FAM193A: variants seen among roughly 807,000 people sequenced by gnomAD.
FAM193A encodes protein FAM193A.
Under a neutral mutation model 126.5 loss-of-function variants are expected in FAM193A, and 22 were observed. The observed-to-expected ratio is 0.17, with a 90% CI of 0.12 to 0.25. FAM193A has a LOEUF of 0.25. Among genes scored for constraint, FAM193A ranks in the 10% least tolerant of loss-of-function variants. The pLI is 1.00. For synonymous variants in FAM193A, 761 were observed against 646.8 expected, an observed-to-expected ratio of 1.18 and a Z score of -2.68; for missense variants, 1,675 against 1,672.8, an observed-to-expected ratio of 1.00 and a Z score of -0.02.
chr4:2,731,971 G>A lies in FAM193A; in HGVS notation c.*103G>A, dbSNP rs546366609. On this transcript the variant is annotated 3_prime_UTR_variant, in exon 21 of 21. Coordinates refer to ENST00000637812, the MANE Select transcript of FAM193A (RefSeq NM_001366318.2). ...CCCCAGAGCCGTGGTGCTTGCCAAG[G>A]GCTGTGCGGAGCTGGTGCTGCCTGA... 3.2e-5 allele frequency: 29 copies of A among 902,950 alleles called. No individual in the cohort carries two copies. The highest frequency in any genetic ancestry group is 2.3e-4 in the Admixed American group (13 of 57,308). 55.9% of individuals were successfully genotyped at this position (902,950 alleles called of 1,614,324 possible). A position where few individuals can be genotyped will look rare whatever the true frequency, so the allele number is the denominator to read the frequency against.
intron 7 of FAM193A, chr4:2,654,412 T>A (rs1745974251): frequency 6.9e-6 from 1 of 144,880 alleles, no homozygotes; most frequent in Admixed American, 6.9e-5. Flanking sequence ...GTATTTTTGG[T>A]AGAGACGGGG....
chr4:2,659,004 GC>G (rs1212813757), intron 8 of FAM193A, among the ~76,000 whole-genome samples: 1 of 152,186 alleles, frequency 6.6e-6, no homozygotes, highest in Admixed American at 6.5e-5. Context: ...GCCTGCCTCT[GC>G]CTCCCAAGGT....
At chr4:2,543,389 A>G (rs1011908103) in intron 1 of FAM193A, among the ~76,000 whole-genome samples, 6 of 151,724 alleles carry the variant, frequency 4.0e-5, no homozygotes, top group African/African-American at 1.5e-4. Flanking sequence ...TTTGGCCACT[A>G]CCTTGGGTTT....
intron 1 of FAM193A, among the ~76,000 whole-genome samples, chr4:2,567,048 T>C (rs563459133): frequency 2.0e-5 from 3 of 151,398 alleles, no homozygotes; most frequent in Non-Finnish European, 1.5e-5. Flanking sequence ...CACGCCATTC[T>C]CCTGCCTCAG....
At position 2,721,154 on chromosome 4, in the gene FAM193A, A is replaced by G. The variant is rs918748756; in HGVS notation, c.4454+5050A>G. 2.1e-4 allele frequency among the ~76,000 whole-genome samples: 32 copies of G among 152,200 alleles called. 3 individuals carry two copies. Among genetic ancestry groups the G allele is most frequent in the African/African-American group, 7.2e-4 (30 of 41,536 alleles). On this transcript the variant is annotated intron_variant, in intron 20 of 20. Coordinates refer to ENST00000637812, the MANE Select transcript of FAM193A (RefSeq NM_001366318.2). Reference sequence around the variant, plus strand: ...CGGTGAAACCCCGTCTCTACTAAAAATACAAAAAATTAGCCAGGCGTGGTG... The same window carrying G: ...CGGTGAAACCCCGTCTCTACTAAAAGTACAAAAAATTAGCCAGGCGTGGTG...
intron 1 of FAM193A, among the ~76,000 whole-genome samples, chr4:2,544,035 A>G (rs1737402772): frequency 6.6e-6 from 1 of 152,104 alleles, no homozygotes; most frequent in African/African-American, 2.4e-5. Context: ...AGAAATTGCG[A>G]CCACGGTGAA....
intron 15 of FAM193A, among the ~76,000 whole-genome samples, chr4:2,691,323 C>T (rs1344263858): frequency 1.3e-5 from 2 of 152,210 alleles, no homozygotes; most frequent in African/African-American, 2.4e-5. Context: ...TCAAGCGATT[C>T]TCCTACCTCA....
intron 4 of FAM193A, among the ~76,000 whole-genome samples, chr4:2,627,940 C>T (rs894876448): frequency 6.6e-6 from 1 of 152,052 alleles, no homozygotes; most frequent in Non-Finnish European, 1.5e-5. Flanking sequence ...GATGGGGTTT[C>T]ACCATGTTAG....
intron 20 of FAM193A, among the ~76,000 whole-genome samples, chr4:2,724,696 T>G (rs1720531084): frequency 6.6e-6 from 1 of 151,986 alleles, no homozygotes; most frequent in South Asian, 2.1e-4. Context: ...GGAGATAGAG[T>G]GAGACCCTGT....
chr4:2,560,919 C>G (rs1321897665), intron 1 of FAM193A, among the ~76,000 whole-genome samples: 2 of 152,170 alleles, frequency 1.3e-5, no homozygotes, highest in African/African-American at 2.4e-5. Flanking sequence ...TCCCAAAGTA[C>G]TGGGATTACA....
intron 2 of FAM193A, among the ~76,000 whole-genome samples, chr4:2,602,560 C>T (rs567453799): frequency 6.6e-6 from 1 of 152,220 alleles, no homozygotes; most frequent in South Asian, 2.1e-4. Flanking sequence ...ACCATGTTGG[C>T]CAGGCTGTTC....
At chr4:2,633,957 T>G (rs1360734360) in intron 5 of FAM193A, among the ~76,000 whole-genome samples, 3 of 152,164 alleles carry the variant, frequency 2.0e-5, no homozygotes, top group African/African-American at 7.2e-5. Flanking sequence ...TAAGTCGTAG[T>G]GGTGAAAAAC....
At chr4:2,655,408 G>T (rs1306371993) in intron 7 of FAM193A, among the ~76,000 whole-genome samples, 1 of 151,800 alleles carries the variant, frequency 6.6e-6, no homozygotes, top group Non-Finnish European at 1.5e-5. Context: ...TTTATTAGCT[G>T]ATATTTGATT....
intron 20 of FAM193A, among the ~76,000 whole-genome samples, chr4:2,717,198 T>G (rs1295061538): frequency 6.6e-6 from 1 of 152,114 alleles, no homozygotes; most frequent in Non-Finnish European, 1.5e-5. Context: ...CAGGCAGGTC[T>G]CAAACTCTTG....
At chr4:2,569,969 G>T (rs916206) in intron 1 of FAM193A, among the ~76,000 whole-genome samples, 49,920 of 151,822 alleles carry the variant, frequency 0.33, 9,664 homozygotes, top group Admixed American at 0.53. Flanking sequence ...ATTTGATTTC[G>T]TCTCATTCAG....
intron 7 of FAM193A, among the ~76,000 whole-genome samples, chr4:2,651,618 C>A (rs532266798): frequency 3.3e-4 from 51 of 152,298 alleles, no homozygotes; most frequent in African/African-American, 1.0e-3. Context: ...CCAGGTTCCT[C>A]CCCTGACATG....
At chr4:2,630,005 A>G (rs576519312) in intron 4 of FAM193A, among the ~76,000 whole-genome samples, 22 of 151,874 alleles carry the variant, frequency 1.4e-4, no homozygotes, top group African/African-American at 2.7e-4. Context: ...GGTGGCGGGC[A>G]CCTGTAGTCC....
intron 1 of FAM193A, among the ~76,000 whole-genome samples, chr4:2,572,558 C>T (rs1739355209): frequency 6.6e-6 from 1 of 151,946 alleles, no homozygotes; most frequent in East Asian, 1.9e-4. Context: ...GTAGGGTGAG[C>T]TGAGGCTGCA....
intron 19 of FAM193A, among the ~76,000 whole-genome samples, chr4:2,702,052 G>A (rs778864137): frequency 5.9e-5 from 9 of 152,142 alleles, no homozygotes; most frequent in Admixed American, 2.0e-4. Flanking sequence ...GATTACAGGC[G>A]TGAGCTGCCA....
Sources: allele counts gnomAD v4.1 joint callset (sites outside exome capture counted in the v4.1 genomes callset), GRCh38; gene constraint gnomAD v4.1.1; transcripts MANE v1.5; gene names NCBI Gene and HGNC (gene_info 2026-07-23, HGNC 2026-07-21).